The following MCTP1 variants were observed in gnomAD, a reference collection of about 807,000 sequenced individuals.
The protein encoded by MCTP1 is multiple C2 and transmembrane domain containing 1.
In MCTP1, 69 loss-of-function variants were observed where a neutral mutation model predicts 120.6. That is an observed-to-expected ratio of 0.57 (90% CI 0.47 to 0.70). MCTP1 has a LOEUF of 0.70. Ranked by LOEUF, MCTP1 falls within the 30% of genes least tolerant of loss-of-function variation. The pLI, the probability that MCTP1 is intolerant of heterozygous loss-of-function variation, is 0.00. For synonymous variants in MCTP1, 529 were observed against 493.1 expected, an observed-to-expected ratio of 1.07 and a Z score of -0.96; for missense variants, 1,203 against 1,248.8, an observed-to-expected ratio of 0.96 and a Z score of 0.55.
intron 1 of MCTP1, among the ~76,000 whole-genome samples, chr5:95,032,904 C>T (rs780952906): frequency 5.3e-5 from 8 of 151,750 alleles, no homozygotes; most frequent in Non-Finnish European, 1.0e-4. Context: ...ACCAGGGTGA[C>T]ATTACAACTG....
At chr5:95,150,592 G>T (rs535140209) in intron 1 of MCTP1, among the ~76,000 whole-genome samples, 1 of 152,052 alleles carries the variant, frequency 6.6e-6, no homozygotes, top group Non-Finnish European at 1.5e-5. Context: ...AATACATTTC[G>T]TATCTTTCTA....
intron 1 of MCTP1, among the ~76,000 whole-genome samples, chr5:95,141,917 A>C (rs761776787): frequency 1.2e-4 from 18 of 152,340 alleles, no homozygotes; most frequent in Admixed American, 7.8e-4. Flanking sequence ...AACTATCTGA[A>C]TAAGTATAAT....
intron 3 of MCTP1, among the ~76,000 whole-genome samples, chr5:94,943,007 G>A (rs139908238): frequency 7.6e-4 from 115 of 152,022 alleles, no homozygotes; most frequent in Middle Eastern, 6.8e-3. Context: ...GAGATAATGC[G>A]TTTCTTCCTT....
At chr5:95,019,361 C>T (rs1399426571) in intron 1 of MCTP1, among the ~76,000 whole-genome samples, 1 of 151,918 alleles carries the variant, frequency 6.6e-6, no homozygotes, top group African/African-American at 2.4e-5. Context: ...GTATTGGATC[C>T]CCTGAACTTA....
At chr5:94,936,507 G>A (rs1449397516) in intron 5 of MCTP1, among the ~76,000 whole-genome samples, 1 of 152,038 alleles carries the variant, frequency 6.6e-6, no homozygotes, top group African/African-American at 2.4e-5. Context: ...TTCTCACCAG[G>A]AGTTTCAATT....
At chr5:94,803,704 T>C (rs761887723) in intron 17 of MCTP1, among the ~76,000 whole-genome samples, 3 of 152,280 alleles carry the variant, frequency 2.0e-5, no homozygotes, top group Non-Finnish European at 2.9e-5. Context: ...TAGCTAATGA[T>C]TGTTTCAAGT....
At chr5:94,843,066 A>C (rs921447952) in intron 17 of MCTP1, among the ~76,000 whole-genome samples, 10 of 152,062 alleles carry the variant, frequency 6.6e-5, no homozygotes, top group African/African-American at 2.4e-4. Context: ...TAAAGCTTAT[A>C]TATAAAAAAT....
At chr5:94,998,819 C>G (rs1194655346) in intron 2 of MCTP1, among the ~76,000 whole-genome samples, 1 of 152,190 alleles carries the variant, frequency 6.6e-6, no homozygotes, top group African/African-American at 2.4e-5. Flanking sequence ...CATGTTAACT[C>G]ACTGAGTGAG....
Position 94,996,300 on chromosome 5 carries a change from G to T in MCTP1, c.838+21067C>A, listed in dbSNP as rs73774877. Among the ~76,000 whole-genome samples the T allele has an allele frequency of 8.4e-3, 1,273 of 152,304 alleles. 16 individuals carry two copies. Among genetic ancestry groups the T allele is most frequent in the African/African-American group, 0.029 (1,207 of 41,572 alleles). ...TTAAAGACCGTGTGGATGTAAACTTGAATGTAAGTAAATCGAATTAGAATA... is the reference window on the plus strand; with the variant it reads ...TTAAAGACCGTGTGGATGTAAACTTTAATGTAAGTAAATCGAATTAGAATA... On this transcript the variant is annotated intron_variant, in intron 2 of 22. Coordinates refer to ENST00000515393, the MANE Select transcript of MCTP1 (RefSeq NM_024717.7).
At chr5:95,201,888 T>C (rs1014884377) in intron 1 of MCTP1, among the ~76,000 whole-genome samples, 5 of 152,224 alleles carry the variant, frequency 3.3e-5, no homozygotes, top group Non-Finnish European at 5.9e-5. Context: ...TATTTTTCTT[T>C]AATTTCCTTG....
intron 1 of MCTP1, among the ~76,000 whole-genome samples, chr5:95,116,919 T>C (rs1757862539): frequency 6.6e-6 from 1 of 152,204 alleles, no homozygotes; most frequent in South Asian, 2.1e-4. Context: ...GCTTACCAAC[T>C]TAAGAATCTT....
In MCTP1 at chr5:94,912,905, G is replaced by A. The variant is rs772684155; in HGVS notation, c.1422C>T (p.Ile474=). Residue 474 remains isoleucine, a synonymous_variant, in exon 9 of 23, where the codon ATC becomes ATT. Transcript: ENST00000515393. ...KSHLWRGIVS[I]TLIEGRDLKA... ...TGAGGTCTCTCCCTTCAATCAAGGT[G>A]ATGCTGACTATTCCTCTCCAAAGAT... The A allele has an allele frequency of 3.7e-6, 6 of 1,603,276 alleles. No individual in the cohort carries two copies. Among genetic ancestry groups the A allele is most frequent in the Non-Finnish European group, 4.3e-6 (5 of 1,175,418 alleles).
chr5:94,842,586 A>G (rs1430933582), intron 17 of MCTP1, among the ~76,000 whole-genome samples: 4 of 152,244 alleles, frequency 2.6e-5, no homozygotes, highest in Non-Finnish European at 4.4e-5. Flanking sequence ...AAGGGCCACA[A>G]GCAATTCCTT....
At chr5:95,271,746 AAT>A (rs1759421807) in intron 1 of MCTP1, among the ~76,000 whole-genome samples, 1 of 151,620 alleles carries the variant, frequency 6.6e-6, no homozygotes, top group Non-Finnish European at 1.5e-5. Context: ...TGTTATAATT[AAT>A]TACAAAACAT....
At chr5:95,237,347 T>C (rs186689084) in intron 1 of MCTP1, among the ~76,000 whole-genome samples, 7 of 152,254 alleles carry the variant, frequency 4.6e-5, no homozygotes, top group Admixed American at 1.3e-4. Flanking sequence ...AAAGTAACCA[T>C]TAAAAGTAAC....
At chr5:95,175,555 C>G (rs1747865253) in intron 1 of MCTP1, among the ~76,000 whole-genome samples, 1 of 152,304 alleles carries the variant, frequency 6.6e-6, no homozygotes, top group Non-Finnish European at 1.5e-5. Context: ...AATTCTCCTC[C>G]TACCACACAA....
At chr5:95,106,257 T>C (rs1562147971) in intron 1 of MCTP1, among the ~76,000 whole-genome samples, 1 of 152,212 alleles carries the variant, frequency 6.6e-6, no homozygotes. Flanking sequence ...AGGCCACTGA[T>C]ACTAAACGGT....
chr5:94,745,287 T>C (rs1011458910), intron 19 of MCTP1, among the ~76,000 whole-genome samples: 2 of 152,210 alleles, frequency 1.3e-5, no homozygotes, highest in Non-Finnish European at 2.9e-5. Flanking sequence ...CCATAGCTGC[T>C]CCACAGCTCG....
Position 94,708,629 on chromosome 5 carries a change from A to C in MCTP1, c.2831-20T>G. The stretch of plus-strand genomic sequence containing the variant: ...TGATGCCTGAAACAAAGTTGGAGTT[A>C]AACAAAGCACATTTCTGACAAAAGT... On this transcript the variant is annotated intron_variant, in intron 21 of 22. Coordinates refer to ENST00000515393, the MANE Select transcript of MCTP1 (RefSeq NM_024717.7). 1 of 1,448,436 alleles carries C rather than the reference A, an allele frequency of 6.9e-7. No individual in the cohort carries two copies. Among genetic ancestry groups the C allele is most frequent in the Non-Finnish European group, 9.7e-7 (1 of 1,030,372 alleles). 89.7% of individuals were successfully genotyped at this position (1,448,436 alleles called of 1,614,324 possible).
Sources: allele counts gnomAD v4.1 joint callset (sites outside exome capture counted in the v4.1 genomes callset), GRCh38; gene constraint gnomAD v4.1.1; transcripts MANE v1.5; gene names NCBI Gene and HGNC (gene_info 2026-07-23, HGNC 2026-07-21).